The following WDPCP variants were observed in gnomAD, a reference collection of about 807,000 sequenced individuals.
The protein encoded by WDPCP is WD repeat-containing and planar cell polarity effector protein fritz homolog.
In WDPCP, 71 loss-of-function variants were observed where a neutral mutation model predicts 93.1. That is an observed-to-expected ratio of 0.76 (90% CI 0.63 to 0.93). The LOEUF is 0.93. Among genes scored for constraint, WDPCP ranks in the 40% least tolerant of loss-of-function variants. WDPCP has a pLI of 0.00. For missense variants in WDPCP, 844 were observed against 887.4 expected (o/e 0.95, Z 0.62); for synonymous variants, 315 against 315.0 (o/e 1.00, Z 0.00).
intron 1 of WDPCP, among the ~76,000 whole-genome samples, chr2:63,508,570 A>G (rs1444068308): frequency 6.6e-6 from 1 of 152,208 alleles, no homozygotes; most frequent in Non-Finnish European, 1.5e-5. Context: ...GACAGGATCA[A>G]ATTCACACAT....
chr2:63,369,485 C>T (rs992969574), intron 12 of WDPCP: 26 of 456,342 alleles, frequency 5.7e-5, no homozygotes, highest in Admixed American at 3.3e-4. Context: ...GAGAAGACAG[C>T]GAGGAGTTAC....
chr2:63,452,511 T>C (rs1698325574), intron 6 of WDPCP, among the ~76,000 whole-genome samples: 1 of 152,174 alleles, frequency 6.6e-6, no homozygotes, highest in South Asian at 2.1e-4. Flanking sequence ...AAAATGGCCA[T>C]ACTGCCCAGG....
intron 17 of WDPCP, among the ~76,000 whole-genome samples, chr2:63,123,417 T>C (rs1002514796): frequency 2.6e-5 from 4 of 152,164 alleles, no homozygotes; most frequent in African/African-American, 9.6e-5. Flanking sequence ...GCTGTTGTTA[T>C]GTAGTGTCTT....
At chr2:63,728,353 G>A (rs901751511) in intron 2 of WDPCP, among the ~76,000 whole-genome samples, 1 of 152,148 alleles carries the variant, frequency 6.6e-6, no homozygotes, top group African/African-American at 2.4e-5. Context: ...GGACCTGGAC[G>A]AGGGTGAGAG....
chr2:63,402,210 A>G (rs149460682), intron 10 of WDPCP, among the ~76,000 whole-genome samples: 7 of 152,270 alleles, frequency 4.6e-5, no homozygotes, highest in Non-Finnish European at 8.8e-5. Flanking sequence ...GCAAACTAAC[A>G]CAGGAAAAGA....
chr2:63,378,067 A>C (rs1692001273), intron 12 of WDPCP: 1 of 289,860 alleles, frequency 3.4e-6, no homozygotes, highest in Non-Finnish European at 6.7e-6. Flanking sequence ...CATTAGCTTC[A>C]ATTAAAAAGA....
intron 1 of WDPCP, among the ~76,000 whole-genome samples, chr2:63,559,042 T>C (rs555144629): frequency 1.9e-3 from 286 of 152,268 alleles, no homozygotes; most frequent in Non-Finnish European, 3.1e-3. Flanking sequence ...AATAAAATAC[T>C]GGCAAACCGA....
At chr2:63,584,515 C>CCAATGAAAATGAATTCATTTTCAATG (rs1240291998) in intron 1 of WDPCP, among the ~76,000 whole-genome samples, 297 of 151,776 alleles carry the variant, frequency 2.0e-3, no homozygotes, top group Middle Eastern at 3.4e-3. Flanking sequence ...CATTTTCAAT[C>CCAATGAAAATGAATTCATTTTCAATG]AATCCAATGG....
At chr2:63,268,654 AT>A (rs558347981) in intron 13 of WDPCP, among the ~76,000 whole-genome samples, 4 of 149,952 alleles carry the variant, frequency 2.7e-5, no homozygotes, top group Non-Finnish European at 4.5e-5. Context: ...TTTTGTTTTT[AT>A]TTTTTTTTGT....
chr2:63,686,303 A>C (rs1303480567), intron 2 of WDPCP, among the ~76,000 whole-genome samples: 1 of 152,236 alleles, frequency 6.6e-6, no homozygotes, highest in Non-Finnish European at 1.5e-5. Context: ...TGTCAATAGC[A>C]AATAATCTGA....
At chr2:63,341,016 CTT>C (rs1055727835) in intron 12 of WDPCP, among the ~76,000 whole-genome samples, 3 of 152,110 alleles carry the variant, frequency 2.0e-5, no homozygotes, top group African/African-American at 7.2e-5. Context: ...TCTTAAGAGT[CTT>C]TTGTTTAATT....
chr2:63,812,488 A>G (rs1037135725), intron 2 of WDPCP, among the ~76,000 whole-genome samples: 3 of 152,190 alleles, frequency 2.0e-5, no homozygotes, highest in Non-Finnish European at 2.9e-5. Flanking sequence ...AAATCTCCAG[A>G]CTGCTTTCCA....
chr2:63,238,021 A>G (rs1248534570), intron 14 of WDPCP, among the ~76,000 whole-genome samples: 3 of 152,032 alleles, frequency 2.0e-5, no homozygotes, highest in Non-Finnish European at 4.4e-5. Context: ...AAACAACAAA[A>G]TGCAGCTACA....
chr2:63,310,615 T>C (rs1391464073), intron 13 of WDPCP, among the ~76,000 whole-genome samples: 1 of 152,214 alleles, frequency 6.6e-6, no homozygotes, highest in Non-Finnish European at 1.5e-5. Flanking sequence ...TTTCTGTATT[T>C]ATTGACTATG....
intron 2 of WDPCP, among the ~76,000 whole-genome samples, chr2:63,711,772 G>A (rs75780750): frequency 0.023 from 3,462 of 152,136 alleles, 43 homozygotes; most frequent in East Asian, 0.034. Context: ...AAAACGAACC[G>A]ACAAACAAAC....
At chr2:63,747,086 G>A (rs543709086) in intron 2 of WDPCP, among the ~76,000 whole-genome samples, 44 of 152,034 alleles carry the variant, frequency 2.9e-4, no homozygotes, top group East Asian at 9.6e-4. Flanking sequence ...AAGGACCGAC[G>A]TTGAAATATC....
At chr2:63,350,536 C>A (rs1575201518) in intron 12 of WDPCP, among the ~76,000 whole-genome samples, 1 of 152,028 alleles carries the variant, frequency 6.6e-6, no homozygotes, top group African/African-American at 2.4e-5. Flanking sequence ...TCTCTAACAG[C>A]CATATCTGAG....
At chr2:63,644,390 C>A (rs1321747273) in intron 3 of WDPCP, among the ~76,000 whole-genome samples, 2 of 151,938 alleles carry the variant, frequency 1.3e-5, no homozygotes, top group Non-Finnish European at 1.5e-5. Context: ...ATTACAGGCA[C>A]CTGCCACCAT....
intron 14 of WDPCP, among the ~76,000 whole-genome samples, chr2:63,217,172 A>G (rs933888766): frequency 5.9e-5 from 9 of 152,196 alleles, no homozygotes; most frequent in African/African-American, 1.9e-4. Flanking sequence ...TTACTTTTTA[A>G]TGGTTGGAAA....
Sources: gnomAD v4.1 joint callset for allele counts (sites outside exome capture counted in the v4.1 genomes callset) on GRCh38, gnomAD v4.1.1 for gene constraint, MANE v1.5 for transcripts, NCBI Gene and HGNC (gene_info 2026-07-23, HGNC 2026-07-21) for gene names.